Variants in TMEFF2 observed in about 807,000 individuals in gnomAD.
The protein encoded by TMEFF2 is transmembrane protein with EGF like and two follistatin like domains 2.
In TMEFF2, 28 loss-of-function variants were observed where a neutral mutation model predicts 53.8. That is an observed-to-expected ratio of 0.52 (90% CI 0.39 to 0.71). The LOEUF is 0.71. Ranked by LOEUF, TMEFF2 falls within the 30% of genes least tolerant of loss-of-function variation. The pLI is 0.00. For missense variants in TMEFF2, 353 were observed against 455.2 expected (o/e 0.78, Z 2.04); for synonymous variants, 162 against 166.3 (o/e 0.97, Z 0.20).
chr2:192,085,875 AGAAC>A (rs1187853992), intron 4 of TMEFF2, among the ~76,000 whole-genome samples: 1 of 152,180 alleles, frequency 6.6e-6, no homozygotes, highest in African/African-American at 2.4e-5. Flanking sequence ...AGTATTCTAG[AGAAC>A]TCTGCATTTC....
At chr2:191,982,973 G>C (rs984844407) in intron 7 of TMEFF2, among the ~76,000 whole-genome samples, 2 of 152,118 alleles carry the variant, frequency 1.3e-5, no homozygotes, top group Non-Finnish European at 2.9e-5. Context: ...AGAAATGGGA[G>C]TCCGAAATGT....
At chr2:192,070,766 C>T (rs1688276306) in intron 4 of TMEFF2, among the ~76,000 whole-genome samples, 1 of 151,898 alleles carries the variant, frequency 6.6e-6, no homozygotes, top group African/African-American at 2.4e-5. Context: ...GGTGTAACCA[C>T]ATGTCCAGAT....
intron 5 of TMEFF2, among the ~76,000 whole-genome samples, chr2:192,044,699 C>A (rs1687571993): frequency 6.6e-6 from 1 of 152,052 alleles, no homozygotes; most frequent in Admixed American, 6.5e-5. Context: ...CTTTGATGGG[C>A]CCCCTATTGG....
At chr2:192,063,422 A>C (rs968699111) in intron 4 of TMEFF2, among the ~76,000 whole-genome samples, 6 of 151,836 alleles carry the variant, frequency 4.0e-5, no homozygotes, top group South Asian at 2.1e-4. Flanking sequence ...TTATTTAAAT[A>C]CTTTGTTTAA....
intron 4 of TMEFF2, among the ~76,000 whole-genome samples, chr2:192,163,621 T>A (rs1690685408): frequency 6.6e-6 from 1 of 152,232 alleles, no homozygotes; most frequent in African/African-American, 2.4e-5. Flanking sequence ...AAGCCACTAG[T>A]TAACAACCCC....
At chr2:192,175,068 G>C (rs1053524879) in intron 4 of TMEFF2, among the ~76,000 whole-genome samples, 1 of 151,564 alleles carries the variant, frequency 6.6e-6, no homozygotes, top group Non-Finnish European at 1.5e-5. Flanking sequence ...TCCATTGTGT[G>C]CTCAGAAGAG....
rs1426640698 is a variant in TMEFF2, at chr2:192,194,311, T to C, written c.172+42A>G. 6.2e-7 allele frequency: 1 copy of C among 1,608,282 alleles called. No homozygotes were observed. Among genetic ancestry groups the C allele is most frequent in the Admixed American group, 1.7e-5 (1 of 59,744 alleles). On this transcript the variant is annotated intron_variant, in intron 1 of 9. Coordinates refer to ENST00000272771, the MANE Select transcript of TMEFF2 (RefSeq NM_016192.4). The surrounding 1 kb of genome is among the most constrained non-coding windows in gnomAD (Gnocchi z 4.2). ...GGTCTGTGCTGGATACGCGTGTTCT[T>C]CTGCGGAGTTAAAGGGTCGGGGACG...
At chr2:192,147,024 TA>T (rs1690268273) in intron 4 of TMEFF2, among the ~76,000 whole-genome samples, 1 of 152,132 alleles carries the variant, frequency 6.6e-6, no homozygotes, top group South Asian at 2.1e-4. Flanking sequence ...ATAATTAAAA[TA>T]CTCAGTCTAT....
intron 5 of TMEFF2, among the ~76,000 whole-genome samples, chr2:192,012,968 A>G (rs1468133553): frequency 6.6e-6 from 1 of 152,222 alleles, no homozygotes; most frequent in Non-Finnish European, 1.5e-5. Context: ...ACAGCAAAAG[A>G]TAAGTCCATA....
chr2:192,192,040 A>C (rs1020955523), intron 1 of TMEFF2, 51 bp from the exon 2 acceptor site: 2 of 1,334,352 alleles, frequency 1.5e-6, no homozygotes, highest in Non-Finnish European at 1.1e-6. Context: ...ACAGATTTTT[A>C]ACAAAAAAAA....
chr2:192,048,691 T>C lies in TMEFF2; in HGVS notation c.536+8988A>G, dbSNP rs1365189660. ...TTATTTTTATTTAATTTGGTGACTC[T>C]TCCCTCTTTTTCTATTTCTCATCTC... On this transcript the variant is annotated intron_variant, in intron 5 of 9. Coordinates refer to ENST00000272771, the MANE Select transcript of TMEFF2 (RefSeq NM_016192.4). Among the ~76,000 whole-genome samples, 9 of 152,324 alleles carry C rather than the reference T, an allele frequency of 5.9e-5. No homozygotes were observed. The East Asian group carries it at 1.5e-3, about 26-fold the overall frequency.
intron 5 of TMEFF2, chr2:192,037,117 G>A (rs1246385845): frequency 6.6e-6 from 1 of 151,930 alleles, no homozygotes; most frequent in Non-Finnish European, 1.5e-5. Context: ...TCCTCATACT[G>A]TAAAGCTTTC....
intron 4 of TMEFF2, among the ~76,000 whole-genome samples, chr2:192,079,325 A>C (rs1688501909): frequency 6.6e-6 from 1 of 152,094 alleles, no homozygotes; most frequent in East Asian, 1.9e-4. Context: ...CTTTCTTTTC[A>C]TAGTTTTCGG....
chr2:191,984,551 A>AT (rs35286999), intron 7 of TMEFF2, among the ~76,000 whole-genome samples: 1 of 152,340 alleles, frequency 6.6e-6, no homozygotes, highest in Admixed American at 6.5e-5. Context: ...TGCTCTTAAC[A>AT]TTTTAAACTC....
intron 4 of TMEFF2, among the ~76,000 whole-genome samples, chr2:192,117,507 A>G (rs1462016715): frequency 6.6e-6 from 1 of 152,146 alleles, no homozygotes; most frequent in Non-Finnish European, 1.5e-5. Flanking sequence ...AGTTAAAAAG[A>G]AAATTTTTTG....
intron 4 of TMEFF2, among the ~76,000 whole-genome samples, chr2:192,139,145 C>A (rs1052365119): frequency 6.6e-6 from 1 of 152,100 alleles, no homozygotes; most frequent in Non-Finnish European, 1.5e-5. Context: ...AAACAATAAT[C>A]TTTAAGAAAA....
At chr2:192,119,713 T>C (rs1442331672) in intron 4 of TMEFF2, among the ~76,000 whole-genome samples, 1 of 152,218 alleles carries the variant, frequency 6.6e-6, no homozygotes, top group Non-Finnish European at 1.5e-5. Flanking sequence ...ACTTTGACAG[T>C]ACAGGGAGGG....
At chr2:192,013,811 G>A (rs889381293) in intron 5 of TMEFF2, among the ~76,000 whole-genome samples, 1 of 152,160 alleles carries the variant, frequency 6.6e-6, no homozygotes, top group Admixed American at 6.5e-5. Context: ...CACATAGAAA[G>A]TGACCTTGTC....
chr2:192,119,547 T>C (rs1308293597), intron 4 of TMEFF2, among the ~76,000 whole-genome samples: 1 of 152,222 alleles, frequency 6.6e-6, no homozygotes, highest in Non-Finnish European at 1.5e-5. Context: ...TGTAGACCAA[T>C]GACTTCCAAT....
Sources: gnomAD v4.1 joint callset for allele counts (sites outside exome capture counted in the v4.1 genomes callset) on GRCh38, gnomAD v4.1.1 for gene constraint, Gnocchi (gnomAD v3.1) non-coding constraint, MANE v1.5 for transcripts, NCBI Gene and HGNC (gene_info 2026-07-23, HGNC 2026-07-21) for gene names.